The following CCDC186 variants were observed in gnomAD, a reference collection of about 807,000 sequenced individuals.
CCDC186 encodes coiled-coil domain containing 186.
A neutral mutation model predicts 113.7 loss-of-function variants in CCDC186; 49 were observed. That is an observed-to-expected ratio of 0.43 (90% CI 0.34 to 0.55). The LOEUF is 0.55. CCDC186 is among the 20% of genes least tolerant of loss of function. The pLI is 0.02. For missense variants in CCDC186, 890 were observed against 1,011.1 expected, an observed-to-expected ratio of 0.88 and a Z score of 1.62; for synonymous variants, 355 against 345.8, an observed-to-expected ratio of 1.03 and a Z score of -0.30.
rs1210265188 is a variant in CCDC186, at chr10:114,149,648, C to A, written c.888+1444G>T. ...GAAAGGGAGGGGAGGGGAGGGAATG[C>A]GAAGGAAGGAAGGAAGGAAAGGAGG... On this transcript the variant is annotated intron_variant, in intron 4 of 15. Coordinates refer to ENST00000369287, the MANE Select transcript of CCDC186 (RefSeq NM_018017.4). Among the ~76,000 whole-genome samples, 4 of 64,564 alleles carry A rather than the reference C, an allele frequency of 6.2e-5. 1 individual carries two copies. Among genetic ancestry groups the A allele is most frequent in the Admixed American group, 2.2e-4 (1 of 4,610 alleles). The allele number at this position is 64,564 out of a possible 152,430, so 42.4% of individuals were successfully genotyped here.
Position 114,135,962 on chromosome 10 carries a change from TTTTG to T in CCDC186, c.1437_1440del (p.Lys480Ter). 6.2e-7 allele frequency: 1 copy of T among 1,612,934 alleles called. No individual in the cohort carries two copies. Among genetic ancestry groups the T allele is most frequent in the Non-Finnish European group, 8.5e-7 (1 of 1,179,350 alleles). On this transcript the variant is annotated frameshift_variant, in exon 9 of 16. Coordinates refer to ENST00000369287, the MANE Select transcript of CCDC186 (RefSeq NM_018017.4). LOFTEE classifies it high-confidence loss of function. ...CTCTTCAGATCTTCTAGTTCCTTTA[TTTTG>T]GCATGATGCATCTTTAAAAAAGTTT...
Position 114,145,480 on chromosome 10 carries a change from T to G in CCDC186, c.1101+69A>C, listed in dbSNP as rs892273717. 8 of 1,300,848 alleles carry G rather than the reference T, an allele frequency of 6.1e-6. No homozygotes were observed. In the African/African-American group the frequency reaches 1.0e-4, roughly 17 times the overall value. The allele number at this position is 1,300,848 out of a possible 1,614,324, so 80.6% of individuals were successfully genotyped here. On this transcript the variant is annotated intron_variant, in intron 5 of 15. Coordinates refer to ENST00000369287, the MANE Select transcript of CCDC186 (RefSeq NM_018017.4). The stretch of plus-strand genomic sequence containing the variant: ...CCATGTTAAATTATGATTATTTGAT[T>G]AAATATGGAAAAGCAAAGAGAACAA...
rs148227427 is a variant in CCDC186 at position 114,173,389 on chromosome 10, GT to G, written c.-62+625del. On this transcript the variant is annotated intron_variant, in intron 1 of 15. Coordinates refer to ENST00000369287, the MANE Select transcript of CCDC186 (RefSeq NM_018017.4). ...GGACACGTAGAAGGGTTTTTGTTTT[GT>G]TTTTGCCATTTTTCATTACTGATGG... 5.7e-3 allele frequency: 1,788 copies of G among 312,986 alleles called. 25 individuals are homozygous for G. The highest frequency in any genetic ancestry group is 0.037 in the African/African-American group (1,703 of 46,266). The allele number at this position is 312,986 out of a possible 1,614,324, so 19.4% of individuals were successfully genotyped here. A position where few individuals can be genotyped will look rare whatever the true frequency, so the allele number is the denominator to read the frequency against.
rs571791316 is a variant in CCDC186 at position 114,172,074 on chromosome 10, T to C, written c.-62+1941A>G. Among the ~76,000 whole-genome samples the C allele has an allele frequency of 6.6e-5, 10 of 152,202 alleles. No homozygotes were observed. The East Asian group carries it at 1.5e-3, about 24-fold the overall frequency. ...AACTCAGTGATATGTTTATGAGAAA[T>C]TGAAAAACCAGCTTTAGTTATTTTA... On this transcript the variant is annotated intron_variant, in intron 1 of 15. Transcript: ENST00000369287.
intron 2 of CCDC186, among the ~76,000 whole-genome samples, chr10:114,158,406 C>G (rs2032072203): frequency 6.6e-6 from 1 of 152,196 alleles, no homozygotes; most frequent in African/African-American, 2.4e-5. Flanking sequence ...ACAGCAAGTA[C>G]TCTAGGACTA....
At chr10:114,127,771 A>G in intron 13 of CCDC186, 100 bp from the exon 14 acceptor site, 2 of 1,106,104 alleles carry the variant, frequency 1.8e-6, no homozygotes, top group Non-Finnish European at 2.6e-6. Flanking sequence ...TATTCACTCT[A>G]ACAGAGTTGG....
At chr10:114,135,182 C>T (rs1340933653) in intron 9 of CCDC186, 127 bp from the exon 10 acceptor site, 34 of 934,028 alleles carry the variant, frequency 3.6e-5, no homozygotes, top group Admixed American at 4.0e-5. Flanking sequence ...AAATATAATG[C>T]GAAGTTTACA....
chr10:114,152,966 C>G (rs2119814433), intron 3 of CCDC186, among the ~76,000 whole-genome samples: 1 of 152,174 alleles, frequency 6.6e-6, no homozygotes, highest in East Asian at 1.9e-4. Context: ...AATGTAGCAT[C>G]AAAATATATG....
intron 1 of CCDC186, among the ~76,000 whole-genome samples, chr10:114,171,548 C>G (rs951847406): frequency 2.6e-5 from 4 of 151,910 alleles, no homozygotes; most frequent in African/African-American, 9.7e-5. Context: ...GAGATCTTGT[C>G]TCAAAAAACT....
intron 1 of CCDC186, among the ~76,000 whole-genome samples, chr10:114,171,750 G>T (rs1189697242): frequency 6.6e-6 from 1 of 152,176 alleles, no homozygotes; most frequent in African/African-American, 2.4e-5. Context: ...AAGTGCGGTA[G>T]ACATTACATA....
Position 114,135,934 on chromosome 10 carries a change from G to A in CCDC186, c.1469C>T (p.Thr490Ile), listed in dbSNP as rs1358880490. Reference protein sequence around the residue: ...KIKELEDLKRTFKEGMDELRT... With the variant: ...KIKELEDLKRIFKEGMDELRT... ...TAACTCATCCATACCCTCCTTAAAT[G>A]TTCTCTTCAGATCTTCTAGTTCCTT... is the stretch of plus-strand genomic sequence containing the variant. Residue 490 changes from threonine (T) to isoleucine (I), a missense_variant, in exon 9 of 16, where the codon ACA becomes ATA. Thr to Ile is a moderately conservative substitution (Grantham distance 89, BLOSUM62 -1). Transcript: ENST00000369287. 1 of 1,613,090 alleles carries A rather than the reference G, an allele frequency of 6.2e-7. No homozygotes were observed. The highest frequency in any genetic ancestry group is 8.5e-7 in the Non-Finnish European group (1 of 1,179,542).
chr10:114,124,824 A>G lies in CCDC186; in HGVS notation c.*319T>C. On this transcript the variant is annotated 3_prime_UTR_variant, in exon 16 of 16. Transcript: ENST00000369287. ...TGACATTACATATTTTAAAGGGAAG[A>G]AATATGAACAAAGGGTTTTTTATAA... The G allele has an allele frequency of 4.5e-6, 1 of 222,604 alleles. No individual in the cohort carries two copies. The highest frequency in any genetic ancestry group is 2.3e-5 in the African/African-American group (1 of 44,444). 13.8% of individuals were successfully genotyped at this position (222,604 alleles called of 1,614,324 possible).
rs1341663183 is a variant in CCDC186 at position 114,145,619 on chromosome 10, T to C, written c.1031A>G (p.Glu344Gly). The C allele has an allele frequency of 1.2e-6, 2 of 1,613,224 alleles. No homozygotes were observed. The highest frequency in any genetic ancestry group is 1.7e-5 in the Admixed American group (1 of 59,882). ...CTGCTTAATTTTGTTAGTGTTTTTC[T>C]CAAGTTCCTTATTTGCATCTCTAAG... ...KKLRDANKEL[E>G]KNTNKIKQLS... is the part of the protein sequence containing the mutation. Residue 344 changes from glutamate (E) to glycine (G), a missense_variant, in exon 5 of 16, where the codon GAG (glutamate) becomes GGG (glycine). Coordinates refer to ENST00000369287, the MANE Select transcript of CCDC186 (RefSeq NM_018017.4).
chr10:114,151,329 T>C (rs990576212), intron 3 of CCDC186, 109 bp from the exon 4 acceptor site: 11 of 833,720 alleles, frequency 1.3e-5, no homozygotes, highest in Middle Eastern at 3.9e-4. Context: ...ACAATGAATA[T>C]ACTTCAGCTA....
intron 4 of CCDC186, among the ~76,000 whole-genome samples, chr10:114,146,396 C>T (rs934003147): frequency 6.6e-6 from 1 of 152,176 alleles, no homozygotes; most frequent in Non-Finnish European, 1.5e-5. Context: ...TTTAAGTGTG[C>T]CATCTGTTTT....
intron 12 of CCDC186, 76 bp downstream of exon 12, chr10:114,131,071 G>T: frequency 1.6e-6 from 2 of 1,224,244 alleles, no homozygotes; most frequent in Non-Finnish European, 2.2e-6. Context: ...CAATGTGGCA[G>T]AATCACAAAA....
intron 1 of CCDC186, among the ~76,000 whole-genome samples, chr10:114,167,818 A>T: frequency 6.6e-6 from 1 of 150,770 alleles, no homozygotes; most frequent in Non-Finnish European, 1.5e-5. Context: ...AAAAAAAAAA[A>T]AAAAAAAAAT....
intron 6 of CCDC186, 37 bp downstream of exon 6, chr10:114,144,460 C>A: frequency 9.6e-6 from 15 of 1,564,578 alleles, no homozygotes; most frequent in Non-Finnish European, 1.1e-5. Context: ...CAAAAAAACT[C>A]ATTCTAATCA....
chr10:114,165,704 C>T (rs925206714), intron 1 of CCDC186, among the ~76,000 whole-genome samples: 4 of 151,252 alleles, frequency 2.6e-5, no homozygotes, highest in African/African-American at 9.7e-5. Flanking sequence ...AAAAATTAGC[C>T]GGGCATTATG....
Sources: gnomAD v4.1 joint callset for allele counts (sites outside exome capture counted in the v4.1 genomes callset) on GRCh38, gnomAD v4.1.1 for gene constraint, MANE v1.5 for transcripts, NCBI Gene and HGNC (gene_info 2026-07-23, HGNC 2026-07-21) for gene names.